Variants in DYNC1I2 observed in about 807,000 individuals in gnomAD.
The protein encoded by DYNC1I2 is cytoplasmic dynein 1 intermediate chain 2.
Under a neutral mutation model 88.6 loss-of-function variants are expected in DYNC1I2, and 53 were observed. The observed-to-expected ratio is 0.60, with a 90% CI of 0.48 to 0.75. The LOEUF (loss-of-function observed/expected upper bound fraction) is 0.75, where lower values mean the gene tolerates loss of function less well. DYNC1I2 is among the 30% of genes least tolerant of loss of function. The pLI, the probability that DYNC1I2 is intolerant of heterozygous loss-of-function variation, is 0.00. For missense variants in DYNC1I2, 458 were observed against 766.6 expected (o/e 0.60, Z 4.75); for synonymous variants, 198 against 254.6 (o/e 0.78, Z 2.12).
At chr2:171,737,580 A>G (rs1051934337) in intron 15 of DYNC1I2, among the ~76,000 whole-genome samples, 35 of 152,162 alleles carry the variant, frequency 2.3e-4, no homozygotes, top group South Asian at 6.2e-4. Context: ...ACCATGCCCA[A>G]TTAATTTTTG....
At chr2:171,713,156 A>C (rs1368733282) in intron 6 of DYNC1I2, among the ~76,000 whole-genome samples, 1 of 152,108 alleles carries the variant, frequency 6.6e-6, no homozygotes, top group African/African-American at 2.4e-5. Flanking sequence ...ACTTGATATG[A>C]ATATTAATTT....
intron 15 of DYNC1I2, among the ~76,000 whole-genome samples, chr2:171,731,936 G>T (rs1688642805): frequency 6.6e-6 from 1 of 152,194 alleles, no homozygotes; most frequent in African/African-American, 2.4e-5. Flanking sequence ...TTCCGTCTTT[G>T]TCATTGTTTT....
intron 5 of DYNC1I2, among the ~76,000 whole-genome samples, chr2:171,710,849 T>C (rs1346852253): frequency 6.6e-6 from 1 of 151,620 alleles, no homozygotes; most frequent in African/African-American, 2.4e-5. Flanking sequence ...ATTGCAGGTG[T>C]GTGTCACCAT....
intron 3 of DYNC1I2, among the ~76,000 whole-genome samples, chr2:171,704,073 C>T (rs902763082): frequency 6.6e-6 from 1 of 152,182 alleles, no homozygotes. Flanking sequence ...GCCCTTGAGA[C>T]TTCTGTGTAG....
At chr2:171,711,114 C>T (rs1016129911) in intron 5 of DYNC1I2, among the ~76,000 whole-genome samples, 9 of 150,274 alleles carry the variant, frequency 6.0e-5, no homozygotes, top group Non-Finnish European at 4.4e-5. Context: ...TGAGAACATG[C>T]GGTGTTTGGT....
At chr2:171,729,896 C>T (rs774795804) in intron 15 of DYNC1I2, 43 bp downstream of exon 15, 2 of 1,606,708 alleles carry the variant, frequency 1.2e-6, no homozygotes, top group South Asian at 1.1e-5. Flanking sequence ...AGGTTTCTGA[C>T]ACAAGGTGGT....
chr2:171,728,545 GT>G, intron 13 of DYNC1I2, 127 bp downstream of exon 13: 1 of 805,032 alleles, frequency 1.2e-6, no homozygotes, highest in Non-Finnish European at 1.9e-6. Context: ...GCTGAAACGT[GT>G]TTAATATAAG....
chr2:171,694,195 G>A (rs865904130), intron 3 of DYNC1I2, among the ~76,000 whole-genome samples: 8 of 151,714 alleles, frequency 5.3e-5, no homozygotes, highest in Middle Eastern at 3.2e-3. Context: ...GTGCCACCAC[G>A]CCAGCTAATT....
chr2:171,726,257 G>A lies in DYNC1I2; in HGVS notation c.834G>A (p.Lys278=). ...NRQFFDERWS[K]HRVVSCLDWS... ...AATTTTTTGACGAACGTTGGTCAAA[G>A]CATCGGGTGGTTAGTTGTTTGGATT... Residue 278 remains lysine, a synonymous_variant, in exon 10 of 18, where the codon AAG becomes AAA. Coordinates refer to ENST00000397119, the MANE Select transcript of DYNC1I2 (RefSeq NM_001378.3). 5.0e-6 allele frequency: 8 copies of A among 1,612,176 alleles called. No individual in the cohort carries two copies. Among genetic ancestry groups the A allele is most frequent in the Non-Finnish European group, 5.9e-6 (7 of 1,179,362 alleles).
At chr2:171,695,079 TTTTG>T (rs781393364) in intron 3 of DYNC1I2, among the ~76,000 whole-genome samples, 20 of 152,126 alleles carry the variant, frequency 1.3e-4, no homozygotes, top group African/African-American at 4.1e-4. Flanking sequence ...CTTTTGCAGT[TTTTG>T]TTTGTTTATT....
intron 2 of DYNC1I2, among the ~76,000 whole-genome samples, chr2:171,692,512 G>A (rs1354932638): frequency 6.6e-6 from 1 of 152,034 alleles, no homozygotes; most frequent in African/African-American, 2.4e-5. Flanking sequence ...TGTACTTCTT[G>A]AATTTGTCTG....
chr2:171,715,126 A>G (rs1046267574), intron 6 of DYNC1I2, among the ~76,000 whole-genome samples: 1 of 152,232 alleles, frequency 6.6e-6, no homozygotes, highest in African/African-American at 2.4e-5. Flanking sequence ...AAAACACTGA[A>G]TGATTCAGAA....
chr2:171,731,474 C>T (rs1688606173), intron 15 of DYNC1I2, among the ~76,000 whole-genome samples: 2 of 152,112 alleles, frequency 1.3e-5, no homozygotes, highest in South Asian at 2.1e-4. Flanking sequence ...AAACATTGGC[C>T]GGGCTCAGTG....
intron 11 of DYNC1I2, 102 bp downstream of exon 11, chr2:171,727,018 G>A: frequency 7.6e-7 from 1 of 1,314,504 alleles, no homozygotes; most frequent in South Asian, 1.7e-5. Flanking sequence ...TGATTTCATT[G>A]GATTGGCATT....
intron 1 of DYNC1I2, chr2:171,688,702 C>T (rs1685158285): frequency 6.6e-6 from 1 of 152,188 alleles, no homozygotes; most frequent in Admixed American, 6.5e-5. Flanking sequence ...TATCAATTCG[C>T]TTGCCAGTCT....
At chr2:171,747,010 A>T (rs1013749653) in intron 17 of DYNC1I2, among the ~76,000 whole-genome samples, 114 of 151,964 alleles carry the variant, frequency 7.5e-4, no homozygotes, top group African/African-American at 2.4e-3. Context: ...CCTGGCCAAC[A>T]TGGCAAAACC....
intron 3 of DYNC1I2, among the ~76,000 whole-genome samples, chr2:171,701,410 T>C (rs1239469221): frequency 6.6e-6 from 1 of 152,136 alleles, no homozygotes; most frequent in East Asian, 1.9e-4. Context: ...CCTCAAGTGA[T>C]CCACCCACCT....
intron 3 of DYNC1I2, among the ~76,000 whole-genome samples, chr2:171,693,267 A>C (rs1458429699): frequency 1.3e-5 from 2 of 152,226 alleles, no homozygotes; most frequent in African/African-American, 4.8e-5. Context: ...AGATACAATC[A>C]GACTTATATT....
intron 15 of DYNC1I2, among the ~76,000 whole-genome samples, chr2:171,743,659 G>T (rs907294398): frequency 6.6e-6 from 1 of 152,218 alleles, no homozygotes; most frequent in South Asian, 2.1e-4. Flanking sequence ...TGTAGATGCT[G>T]TCTGTGAATC....
Sources: gnomAD v4.1 joint callset for allele counts (sites outside exome capture counted in the v4.1 genomes callset) on GRCh38, gnomAD v4.1.1 for gene constraint, MANE v1.5 for transcripts, NCBI Gene and HGNC (gene_info 2026-07-23, HGNC 2026-07-21) for gene names.